Variants in NDRG3 observed in about 807,000 individuals in gnomAD.
NDRG3 encodes the protein NDRG family member 3, also known as protein NDRG3.
A neutral mutation model predicts 57.2 loss-of-function variants in NDRG3; 23 were observed. That is an observed-to-expected ratio of 0.40 (90% CI 0.29 to 0.57). The LOEUF (loss-of-function observed/expected upper bound fraction) is 0.57. Among genes scored for constraint, NDRG3 ranks in the 20% least tolerant of loss-of-function variants. The pLI, the probability that NDRG3 is intolerant of heterozygous loss-of-function variation, is 0.42. For missense variants in NDRG3, 384 were observed against 457.3 expected (o/e 0.84, Z 1.46); for synonymous variants, 132 against 162.6 (o/e 0.81, Z 1.43).
In NDRG3 at chr20:36,709,012, T is replaced by C. The variant is rs531048978; in HGVS notation, c.58-2005A>G. ...GAGATCATGCCATTGCACTCCAGCC[T>C]GGGCAACAAGAGTGAAACTGTCTCA... On this transcript the variant is annotated intron_variant, in intron 2 of 15. Transcript: ENST00000349004. Among the ~76,000 whole-genome samples, 37 of 152,280 alleles carry C rather than the reference T, an allele frequency of 2.4e-4. No individual in the cohort carries two copies. The South Asian group carries it at 7.5e-3, about 31-fold the overall frequency.
chr20:36,684,309 G>C, intron 6 of NDRG3, 104 bp downstream of exon 6: 1 of 901,184 alleles, frequency 1.1e-6, no homozygotes, highest in Non-Finnish European at 1.8e-6. Flanking sequence ...TAGGAGGACA[G>C]TGATAATATT....
At chr20:36,702,085 T>C (rs1280625253) in intron 3 of NDRG3, among the ~76,000 whole-genome samples, 1 of 152,152 alleles carries the variant, frequency 6.6e-6, no homozygotes, top group Non-Finnish European at 1.5e-5. Context: ...TTCCTCTTTC[T>C]GGCTAGTCTG....
intron 2 of NDRG3, among the ~76,000 whole-genome samples, chr20:36,718,597 A>T (rs1049615594): frequency 3.3e-5 from 5 of 152,140 alleles, no homozygotes; most frequent in African/African-American, 1.2e-4. Context: ...TCTCATGATT[A>T]ATCTCTTCCT....
intron 3 of NDRG3, among the ~76,000 whole-genome samples, chr20:36,704,849 A>G (rs1983449804): frequency 6.6e-6 from 1 of 152,194 alleles, no homozygotes; most frequent in Non-Finnish European, 1.5e-5. Context: ...CTGTTCTTCC[A>G]AGGAACCTCA....
At chr20:36,744,362 CAGA>C (rs914983760) in intron 1 of NDRG3, among the ~76,000 whole-genome samples, 1 of 151,870 alleles carries the variant, frequency 6.6e-6, no homozygotes, top group Non-Finnish European at 1.5e-5. Flanking sequence ...AGAAGGGCAC[CAGA>C]AGAACACCAC....
chr20:36,726,895 C>G (rs1279785875), intron 1 of NDRG3, among the ~76,000 whole-genome samples: 2 of 151,078 alleles, frequency 1.3e-5, no homozygotes, highest in African/African-American at 4.9e-5. Context: ...ACAATCCTCT[C>G]TGGTAGATAT....
chr20:36,700,455 A>G (rs138007694), intron 3 of NDRG3: 48 of 532,558 alleles, frequency 9.0e-5, no homozygotes, highest in Non-Finnish European at 1.6e-4. Flanking sequence ...ATTGGCATGC[A>G]TATTTTTCGT....
chr20:36,724,940 A>C lies in NDRG3; in HGVS notation c.-48-3157T>G, dbSNP rs148337528. ...CAAGACTCTGTCTCAAAAATTTAAA[A>C]ACAAAACAAAACAAAACCAGCTTTT... On this transcript the variant is annotated intron_variant, in intron 1 of 15. Coordinates refer to ENST00000349004, the MANE Select transcript of NDRG3 (RefSeq NM_032013.4). Among the ~76,000 whole-genome samples, 432 of 152,006 alleles carry C rather than the reference A, an allele frequency of 2.8e-3. 1 individual carries two copies. Among genetic ancestry groups the C allele is most frequent in the East Asian group, 4.3e-3 (22 of 5,156 alleles).
intron 1 of NDRG3, among the ~76,000 whole-genome samples, chr20:36,734,470 G>A (rs1985507448): frequency 6.6e-6 from 1 of 152,182 alleles, no homozygotes; most frequent in Non-Finnish European, 1.5e-5. Flanking sequence ...ACAGGCTCTA[G>A]GATTAAGCCC....
chr20:36,698,122 C>T (rs992695568), intron 3 of NDRG3, among the ~76,000 whole-genome samples: 17 of 151,990 alleles, frequency 1.1e-4, no homozygotes, highest in Middle Eastern at 3.4e-3. Context: ...CACGCCACCA[C>T]ACCTGGCTGA....
chr20:36,680,949 G>A (rs1568637113), intron 7 of NDRG3, 47 bp from the exon 8 acceptor site: 1 of 1,493,552 alleles, frequency 6.7e-7, no homozygotes, highest in East Asian at 2.3e-5. Context: ...CACTCCCACA[G>A]TTCTTCTAAA....
At chr20:36,736,387 G>A (rs1985611911) in intron 1 of NDRG3, among the ~76,000 whole-genome samples, 1 of 152,136 alleles carries the variant, frequency 6.6e-6, no homozygotes, top group South Asian at 2.1e-4. Flanking sequence ...GAGAAAAGAG[G>A]CCCAGAAAAT....
chr20:36,702,009 T>G (rs1246751461), intron 3 of NDRG3, among the ~76,000 whole-genome samples: 2 of 152,194 alleles, frequency 1.3e-5, no homozygotes, highest in Non-Finnish European at 2.9e-5. Flanking sequence ...TTGTCCCATA[T>G]TTCTAAACTT....
rs576709359 is a variant in NDRG3, at chr20:36,702,286, G to A, written c.93+4686C>T. ...CAAGTAGCAGGGACCACAGGTGCCCGCCACTATGCCGGCTAATTTTTTTGT... is the reference window on the plus strand; with the variant it reads ...CAAGTAGCAGGGACCACAGGTGCCCACCACTATGCCGGCTAATTTTTTTGT... On this transcript the variant is annotated intron_variant, in intron 3 of 15. Transcript: ENST00000349004. Among the ~76,000 whole-genome samples the A allele has an allele frequency of 2.5e-3, 382 of 152,020 alleles. 5 individuals are homozygous for A. The highest frequency in any genetic ancestry group is 8.9e-3 in the African/African-American group (369 of 41,478).
chr20:36,686,003 C>T (rs1216579575), intron 5 of NDRG3, among the ~76,000 whole-genome samples: 1 of 152,128 alleles, frequency 6.6e-6, no homozygotes, highest in Non-Finnish European at 1.5e-5. Flanking sequence ...AAGCACTATC[C>T]TATCTCAAGA....
chr20:36,708,781 C>G (rs771841230), intron 2 of NDRG3, among the ~76,000 whole-genome samples: 1 of 152,176 alleles, frequency 6.6e-6, no homozygotes, highest in South Asian at 2.1e-4. Flanking sequence ...CGCCTGTAAT[C>G]CCAGCACGGC....
chr20:36,740,584 C>T (rs549667861), intron 1 of NDRG3, among the ~76,000 whole-genome samples: 5 of 152,308 alleles, frequency 3.3e-5, no homozygotes, highest in African/African-American at 9.6e-5. Flanking sequence ...CCTCGTGATC[C>T]GCCCGCCTCG....
intron 2 of NDRG3, among the ~76,000 whole-genome samples, chr20:36,711,519 G>A (rs111578868): frequency 0.025 from 3,805 of 152,178 alleles, 76 homozygotes; most frequent in Middle Eastern, 0.051. Context: ...TTGGGAAGCA[G>A]CTGTCATTGT....
intron 8 of NDRG3, among the ~76,000 whole-genome samples, chr20:36,674,886 ATTTTTTT>A (rs34146274): frequency 1.0e-4 from 4 of 39,670 alleles, no homozygotes; most frequent in African/African-American, 2.1e-4. Context: ...GCCCAGCCAG[ATTTTTTT>A]TTTTTTTTTT....
Sources: allele counts gnomAD v4.1 joint callset (sites outside exome capture counted in the v4.1 genomes callset), GRCh38; gene constraint gnomAD v4.1.1; transcripts MANE v1.5; gene names NCBI Gene and HGNC (gene_info 2026-07-23, HGNC 2026-07-21).